ACOXL: variants seen among roughly 807,000 people sequenced by gnomAD.
The protein encoded by ACOXL is acyl-CoA oxidase like.
A neutral mutation model predicts 71.9 loss-of-function variants in ACOXL; 70 were observed. The ratio of observed to expected loss-of-function variants is 0.97; its 90% confidence interval spans 0.80 to 1.19. ACOXL has a LOEUF of 1.19. Among genes scored for constraint, ACOXL ranks in the 50% most tolerant of loss-of-function variants. ACOXL has a pLI of 0.00. For missense variants in ACOXL, 703 were observed against 736.3 expected (o/e 0.95, Z 0.52); for synonymous variants, 253 against 281.6 (o/e 0.90, Z 1.02).
intron 12 of ACOXL, among the ~76,000 whole-genome samples, chr2:110,943,048 GAAGA>G (rs1423090836): frequency 1.4e-5 from 2 of 139,974 alleles, no homozygotes; most frequent in Non-Finnish European, 3.1e-5. Context: ...AAGAAGGAAG[GAAGA>G]AAGAAAAGGA....
intron 15 of ACOXL, among the ~76,000 whole-genome samples, chr2:111,035,957 G>A (rs1036606433): frequency 4.6e-5 from 7 of 152,110 alleles, no homozygotes; most frequent in African/African-American, 1.4e-4. Flanking sequence ...TATCCCTACC[G>A]CCTCCTCAAA....
At chr2:110,785,193 G>C (rs1333250848) in intron 3 of ACOXL, among the ~76,000 whole-genome samples, 1 of 151,962 alleles carries the variant, frequency 6.6e-6, no homozygotes, top group African/African-American at 2.4e-5. Flanking sequence ...TTTTCATTTT[G>C]AAATAATAAT....
At chr2:110,888,049 T>C (rs945317856) in intron 10 of ACOXL, 4 of 152,200 alleles carry the variant, frequency 2.6e-5, no homozygotes, top group African/African-American at 9.6e-5. Flanking sequence ...TTTAGTGTAG[T>C]TTTAATGATT....
chr2:110,751,469 G>C (rs1291337611), intron 1 of ACOXL, among the ~76,000 whole-genome samples: 1 of 151,808 alleles, frequency 6.6e-6, no homozygotes, highest in Non-Finnish European at 1.5e-5. Flanking sequence ...TCCCATTTTT[G>C]GGTTTTTGGG....
intron 11 of ACOXL, among the ~76,000 whole-genome samples, chr2:110,928,387 GAATA>G (rs2060357756): frequency 6.6e-6 from 1 of 152,144 alleles, no homozygotes; most frequent in Non-Finnish European, 1.5e-5. Context: ...AATATTTGTT[GAATA>G]AATGAATGAG....
chr2:110,887,106 T>C, intron 10 of ACOXL: 1 of 421,126 alleles, frequency 2.4e-6, no homozygotes, highest in East Asian at 3.7e-5. Flanking sequence ...AAGGACGATC[T>C]GGGGTGGAAA....
chr2:110,773,457 T>G (rs1682230693), intron 2 of ACOXL, among the ~76,000 whole-genome samples: 2 of 152,220 alleles, frequency 1.3e-5, no homozygotes, highest in African/African-American at 4.8e-5. Context: ...CTGAGATGTC[T>G]GTCCTGTCCC....
chr2:110,781,390 C>G (rs1025010752), intron 2 of ACOXL, among the ~76,000 whole-genome samples: 1 of 151,750 alleles, frequency 6.6e-6, no homozygotes, highest in African/African-American at 2.4e-5. Flanking sequence ...GCCTGTAATC[C>G]CAGCACTTTG....
intron 15 of ACOXL, among the ~76,000 whole-genome samples, chr2:111,045,024 AACTCT>A (rs2065947804): frequency 6.6e-6 from 1 of 152,168 alleles, no homozygotes; most frequent in Non-Finnish European, 1.5e-5. Context: ...AGGAGAACTT[AACTCT>A]ACTCAGACAG....
At chr2:110,868,485 A>G (rs1465908689) in intron 10 of ACOXL, among the ~76,000 whole-genome samples, 1 of 152,168 alleles carries the variant, frequency 6.6e-6, no homozygotes, top group Non-Finnish European at 1.5e-5. Context: ...ACCCACGTGA[A>G]TCTATTGGTT....
intron 12 of ACOXL, among the ~76,000 whole-genome samples, chr2:110,949,607 G>T (rs1053198679): frequency 2.0e-5 from 3 of 152,160 alleles, no homozygotes; most frequent in Admixed American, 2.0e-4. Flanking sequence ...AACTTTGAAA[G>T]AACCTTGCTC....
rs1260209028 is a variant in ACOXL at position 110,898,117 on chromosome 2, A to T, written c.789-10672A>T. ...TCATGATTTTAAAACTCCTAAGAAAATCTCCAGGCCAGATGTTTTCACTGG... is the reference window on the plus strand; with the variant it reads ...TCATGATTTTAAAACTCCTAAGAAATTCTCCAGGCCAGATGTTTTCACTGG... On this transcript the variant is annotated intron_variant, in intron 10 of 17. Transcript: ENST00000439055. Among the ~76,000 whole-genome samples the T allele has an allele frequency of 2.6e-5, 4 of 152,158 alleles. No individual in the cohort carries two copies. In the South Asian group the frequency reaches 8.3e-4, roughly 32 times the overall value.
chr2:111,104,339 C>T (rs950820425), intron 17 of ACOXL, among the ~76,000 whole-genome samples: 5 of 152,128 alleles, frequency 3.3e-5, no homozygotes, highest in Non-Finnish European at 7.4e-5. Flanking sequence ...TTTAATTTCT[C>T]TGTAGTAGAT....
chr2:110,923,829 G>A (rs2060170360), intron 11 of ACOXL, among the ~76,000 whole-genome samples: 2 of 151,940 alleles, frequency 1.3e-5, no homozygotes, highest in African/African-American at 4.8e-5. Context: ...CCAGCTACTC[G>A]GGAGGCTGAG....
At position 110,978,327 on chromosome 2, in the gene ACOXL, G is replaced by A. The variant is rs373110786; in HGVS notation, c.1060-8781G>A. 3.9e-5 allele frequency among the ~76,000 whole-genome samples: 6 copies of A among 152,150 alleles called. No individual in the cohort carries two copies. The South Asian group carries it at 6.2e-4, about 16-fold the overall frequency. ...AGCCCTTTTCTAAAGGCACCTAATC[G>A]CATCCACAAGGGAGGAGCCCTCATG... is the stretch of plus-strand genomic sequence containing the variant. On this transcript the variant is annotated intron_variant, in intron 12 of 17. Coordinates refer to ENST00000439055, the MANE Select transcript of ACOXL (RefSeq NM_001142807.4).
At position 111,117,843 on chromosome 2, in the gene ACOXL, C is replaced by T. The variant is rs1324036853; in HGVS notation, c.*27C>T. On this transcript the variant is annotated 3_prime_UTR_variant, in exon 18 of 18. Coordinates refer to ENST00000439055, the MANE Select transcript of ACOXL (RefSeq NM_001142807.4). ...GGGTGTGGCGGGAAGTGTGGTGGCC[C>T]GCCAGCAGCTGCCACGACGCTCGCT... is the stretch of plus-strand genomic sequence containing the variant. 6 of 1,535,474 alleles carry T rather than the reference C, an allele frequency of 3.9e-6. 1 individual carries two copies. In the South Asian group the frequency reaches 7.2e-5, roughly 18 times the overall value.
chr2:110,797,723 C>T (rs1335223330), intron 5 of ACOXL, among the ~76,000 whole-genome samples: 2 of 152,096 alleles, frequency 1.3e-5, no homozygotes, highest in Admixed American at 6.5e-5. Context: ...AGATGCGGAC[C>T]CTGGGACAAG....
chr2:110,873,997 C>T (rs1011696897), intron 10 of ACOXL, among the ~76,000 whole-genome samples: 3 of 152,222 alleles, frequency 2.0e-5, no homozygotes, highest in African/African-American at 7.2e-5. Context: ...CATGTCCTGG[C>T]CCTCTGGGTA....
intron 10 of ACOXL, among the ~76,000 whole-genome samples, chr2:110,889,813 T>A (rs947804555): frequency 6.6e-6 from 1 of 152,204 alleles, no homozygotes; most frequent in African/African-American, 2.4e-5. Context: ...TCATGCATGT[T>A]TTTATTTCTC....
Sources: gnomAD v4.1 joint callset for allele counts (sites outside exome capture counted in the v4.1 genomes callset) on GRCh38, gnomAD v4.1.1 for gene constraint, MANE v1.5 for transcripts, NCBI Gene and HGNC (gene_info 2026-07-23, HGNC 2026-07-21) for gene names.